CTSE: variants seen among roughly 807,000 people sequenced by gnomAD.
The protein encoded by CTSE is erythrocyte membrane aspartic proteinase.
Under a neutral mutation model 42.8 loss-of-function variants are expected in CTSE, and 43 were observed. The observed-to-expected ratio is 1.01, with a 90% CI of 0.79 to 1.30. The LOEUF (loss-of-function observed/expected upper bound fraction) is 1.30, where lower values mean the gene tolerates loss of function less well. Among genes scored for constraint, CTSE ranks in the 50% most tolerant of loss-of-function variants. The probability of loss-of-function intolerance (pLI) is 0.00; values close to 1 mark genes in which losing one functional copy is unlikely to be tolerated. For missense variants in CTSE, 532 were observed against 493.5 expected (o/e 1.08, Z -0.74); for synonymous variants, 205 against 191.5 (o/e 1.07, Z -0.58).
chr1:206,017,158 T>G (rs1661285615), intron 4 of CTSE, among the ~76,000 whole-genome samples: 1 of 152,128 alleles, frequency 6.6e-6, no homozygotes, highest in African/African-American at 2.4e-5. Context: ...GCACATTTTT[T>G]GTTAAATTTA....
intron 1 of CTSE, 74 bp from the exon 2 acceptor site, chr1:206,023,131 TCA>T: frequency 1.3e-6 from 1 of 762,976 alleles, no homozygotes; most frequent in Non-Finnish European, 2.0e-6. Context: ...TCCCATTTTC[TCA>T]GGGGCCAACT....
rs114765042 is a variant in CTSE, at chr1:206,009,983, G to A, written c.*200C>T. 559 of 552,088 alleles carry A rather than the reference G, an allele frequency of 1.0e-3. 5 individuals are homozygous for A. Among genetic ancestry groups the A allele is most frequent in the African/African-American group, 9.2e-3 (492 of 53,244 alleles). 34.2% of individuals were successfully genotyped at this position (552,088 alleles called of 1,614,324 possible). A position where few individuals can be genotyped will look rare whatever the true frequency, so the allele number is the denominator to read the frequency against. ...CCTCCATCATGACGGTGGTGGGAGT[G>A]GTGTGTATGTGTGAAGTGTGTGTGT... On this transcript the variant is annotated 3_prime_UTR_variant, in exon 9 of 9. Transcript: ENST00000358184.
chr1:206,021,097 C>T lies in CTSE; in HGVS notation c.414G>A (p.Gln138=). 1 of 1,613,772 alleles carries T rather than the reference C, an allele frequency of 6.2e-7. No individual in the cohort carries two copies. The highest frequency in any genetic ancestry group is 8.5e-7 in the Non-Finnish European group (1 of 1,179,716). Residue 138 remains glutamine, a synonymous_variant, in exon 4 of 9, where the codon CAG becomes CAA. Coordinates refer to ENST00000358184, the MANE Select transcript of CTSE (RefSeq NM_001910.4). ...TCCCGGACAAGCTCCCGGTTCCATA[C>T]TGAATGGAGAAAGATTGACCTGGCT... is the stretch of plus-strand genomic sequence containing the variant. ...YSQPGQSFSI[Q]YGTGSLSGII...
chr1:206,010,205 C>A lies in CTSE; in HGVS notation c.1169G>T (p.Gly390Val), dbSNP rs1161828321. The change falls in exon 9 of 9, where the codon GGA becomes GTA. Residue 390 changes from glycine to valine, a missense_variant. Transcript: ENST00000358184. The stretch of plus-strand genomic sequence containing the variant: ...TCCTTAGGGGACTGCTGGGGCCAGT[C>A]CCACACGGTTATTCCCACGGTCAAA... ...SVFDRGNNRV[G>V]LAPAVP The A allele has an allele frequency of 6.2e-7, 1 of 1,613,626 alleles. No individual in the cohort carries two copies. The highest frequency in any genetic ancestry group is 2.2e-5 in the East Asian group (1 of 44,886).
At chr1:206,020,373 C>T (rs1163857596) in intron 4 of CTSE, among the ~76,000 whole-genome samples, 1 of 151,974 alleles carries the variant, frequency 6.6e-6, no homozygotes, top group African/African-American at 2.4e-5. Context: ...GCCCTGCTGG[C>T]CTCGGGAATA....
chr1:206,018,616 T>C (rs28802578), intron 4 of CTSE, among the ~76,000 whole-genome samples: 3,972 of 152,064 alleles, frequency 0.026, 188 homozygotes, highest in African/African-American at 0.091. Context: ...TTTCTATTTT[T>C]TGTTTTTGCA....
At chr1:206,013,746 G>A in intron 6 of CTSE, 26 bp downstream of exon 6, 2 of 1,611,052 alleles carry the variant, frequency 1.2e-6, no homozygotes, top group East Asian at 4.5e-5. Context: ...CCCTAGTACT[G>A]TCACTACTTC....
rs553282031 is a variant in CTSE, at chr1:206,010,267, G to A, written c.1107C>T (p.Ile369=). The A allele has an allele frequency of 6.2e-7, 1 of 1,613,698 alleles. No homozygotes were observed. The highest frequency in any genetic ancestry group is 1.7e-5 in the Admixed American group (1 of 60,000). The change falls in exon 9 of 9, where the codon ATC becomes ATT. Residue 369 remains isoleucine, a synonymous_variant. Coordinates refer to ENST00000358184, the MANE Select transcript of CTSE (RefSeq NM_001910.4). ...DIHPPAGPLW[I]LGDVFIRQFY... is the part of the protein sequence containing the mutation. ...ACTGTCGAATGAAGACATCCCCCAG[G>A]ATCCAGAGGGGCCCAGCTGGAGGGT...
intron 4 of CTSE, among the ~76,000 whole-genome samples, chr1:206,017,982 C>G (rs1456807596): frequency 2.0e-5 from 3 of 151,914 alleles, no homozygotes; most frequent in African/African-American, 7.2e-5. Context: ...CTAGGATTTT[C>G]AGTACAATGT....
Position 206,023,748 on chromosome 1 carries a change from C to T in CTSE, c.44G>A (p.Gly15Glu), listed in dbSNP as rs372696515. ...LLLLLVLLEL[G>E]EAQGSLHRVP... ...CCTGTGAAGGGATCCTTGGGCCTCTCCCAGCTCCAGGAGCACCAGCAGCAA... is the reference window on the plus strand; with the variant it reads ...CCTGTGAAGGGATCCTTGGGCCTCTTCCAGCTCCAGGAGCACCAGCAGCAA... The change falls in exon 1 of 9, where the codon GGA becomes GAA. Residue 15 changes from glycine to glutamate, a missense_variant. Transcript: ENST00000358184. 17 of 1,613,626 alleles carry T rather than the reference C, an allele frequency of 1.1e-5. No individual in the cohort carries two copies. The highest frequency in any genetic ancestry group is 1.4e-5 in the Non-Finnish European group (16 of 1,179,806).
Position 206,021,031 on chromosome 1 carries a change from T to G in CTSE, c.462+18A>C, listed in dbSNP as rs913464916. 6.5e-7 allele frequency: 1 copy of G among 1,541,492 alleles called. No individual in the cohort carries two copies. Among genetic ancestry groups the G allele is most frequent in the Non-Finnish European group, 9.0e-7 (1 of 1,113,998 alleles). Reference sequence around the variant, plus strand: ...AAGTTTCTGTCCAAGAGAGAAAAAATGAAGGACTTGCACTCACAGAGACTT... The same window carrying G: ...AAGTTTCTGTCCAAGAGAGAAAAAAGGAAGGACTTGCACTCACAGAGACTT... On this transcript the variant is annotated intron_variant, in intron 4 of 8. Coordinates refer to ENST00000358184, the MANE Select transcript of CTSE (RefSeq NM_001910.4).
chr1:206,021,123 G>T lies in CTSE; in HGVS notation c.388C>A (p.Gln130Lys). ...FQPSQSSTYS[Q>K]PGQSFSIQYG... Reference sequence around the variant, plus strand: ...TGAATGGAGAAAGATTGACCTGGCTGGCTGTATGTGCTGGACTGGGAAGGC... The same window carrying T: ...TGAATGGAGAAAGATTGACCTGGCTTGCTGTATGTGCTGGACTGGGAAGGC... Residue 130 changes from glutamine to lysine, a missense_variant, in exon 4 of 9, where the codon CAG becomes AAG. By Grantham distance (53) the Gln-to-Lys change is moderately conservative. Coordinates refer to ENST00000358184, the MANE Select transcript of CTSE (RefSeq NM_001910.4). 1 of 1,613,738 alleles carries T rather than the reference G, an allele frequency of 6.2e-7. No individual in the cohort carries two copies. Among genetic ancestry groups the T allele is most frequent in the Non-Finnish European group, 8.5e-7 (1 of 1,179,732 alleles).
At chr1:206,020,397 C>T (rs936018975) in intron 4 of CTSE, among the ~76,000 whole-genome samples, 6 of 151,996 alleles carry the variant, frequency 3.9e-5, no homozygotes, top group African/African-American at 1.4e-4. Context: ...CAGGGACCAA[C>T]GTTCACCAGG....
chr1:206,011,786 G>A (rs28711302), intron 8 of CTSE, among the ~76,000 whole-genome samples: 4,994 of 152,102 alleles, frequency 0.033, 273 homozygotes, highest in African/African-American at 0.11. Flanking sequence ...CAAAAGGTCT[G>A]GGAGTTCCCT....
In CTSE at chr1:206,010,189, G is replaced by C. The variant is rs1661047190; in HGVS notation, c.1185C>G (p.Val395=). ...GNNRVGLAPA[V]P ...ACAGACACAAGGCCCCTCCTTAGGG[G>C]ACTGCTGGGGCCAGTCCCACACGGT... is the stretch of plus-strand genomic sequence containing the variant. Residue 395 remains valine (V), a synonymous_variant, in exon 9 of 9, where the codon GTC becomes GTG. Transcript: ENST00000358184. 6.2e-7 allele frequency: 1 copy of C among 1,613,714 alleles called. No individual in the cohort carries two copies. The highest frequency in any genetic ancestry group is 8.5e-7 in the Non-Finnish European group (1 of 1,179,804).
intron 3 of CTSE, 87 bp downstream of exon 3, chr1:206,022,063 C>T: frequency 1.1e-6 from 1 of 882,112 alleles, no homozygotes; most frequent in East Asian, 2.7e-5. Context: ...TTTCTGGAAC[C>T]TAAGCCCCCC....
chr1:206,012,694 T>C (rs1262662733), intron 6 of CTSE, 45 bp from the exon 7 acceptor site: 1 of 1,598,436 alleles, frequency 6.3e-7, no homozygotes, highest in East Asian at 2.2e-5. Flanking sequence ...CTCCCCCGGC[T>C]CCTAGGAAAC....
chr1:206,014,067 C>A (rs1189308490), intron 5 of CTSE, 173 bp from the exon 6 acceptor site: 3 of 672,264 alleles, frequency 4.5e-6, no homozygotes, highest in Non-Finnish European at 5.2e-6. Flanking sequence ...TTGGTCTGGG[C>A]CTTTTTGACA....
chr1:206,010,935 G>T (rs145429861), intron 8 of CTSE, among the ~76,000 whole-genome samples: 9 of 152,210 alleles, frequency 5.9e-5, no homozygotes, highest in African/African-American at 2.2e-4. Flanking sequence ...TACCAGGCAA[G>T]TGTGGTCTTT....
Sources: allele counts gnomAD v4.1 joint callset (sites outside exome capture counted in the v4.1 genomes callset), GRCh38; gene constraint gnomAD v4.1.1; transcripts MANE v1.5; gene names NCBI Gene and HGNC (gene_info 2026-07-23, HGNC 2026-07-21).